Variants in HUWE1 observed in about 807,000 individuals in gnomAD.
The protein encoded by HUWE1 is HECT, UBA and WWE domain containing E3 ubiquitin protein ligase 1.
In HUWE1, 18 loss-of-function variants were observed where a neutral mutation model predicts 299.4. The ratio of observed to expected loss-of-function variants is 0.06; its 90% CI spans 0.04 to 0.09. The LOEUF (loss-of-function observed/expected upper bound fraction) is 0.09. HUWE1 is among the 10% of genes least tolerant of loss of function. The pLI, the probability that HUWE1 is intolerant of heterozygous loss-of-function variation, is 1.00. For missense variants in HUWE1, 1,832 were observed against 3,462.3 expected, an observed-to-expected ratio of 0.53 and a Z score of 11.82; for synonymous variants, 1,317 against 1,286.1, an observed-to-expected ratio of 1.02 and a Z score of -0.51.
intron 43 of HUWE1, among the ~76,000 whole-genome samples, chrX:53,579,195 G>A (rs2063460848): frequency 4.4e-4 from 1 of 2,272 alleles, no homozygotes; most frequent in Non-Finnish European, 8.1e-4. Context: ...CGGGAGGGAG[G>A]TGGGGGGGGT....
chrX:53,554,235 T>G (rs1390667948), intron 61 of HUWE1, among the ~76,000 whole-genome samples: 3 of 111,073 alleles, frequency 2.7e-5, no homozygotes, highest in Non-Finnish European at 5.7e-5. Context: ...GAGTTTTTTT[T>G]TCCCCCCAAT....
rs139160418 is a variant in HUWE1 at position 53,640,628 on chromosome X, C to T, written c.504+4683G>A. On this transcript the variant is annotated intron_variant, in intron 7 of 83. Transcript: ENST00000262854. Reference sequence around the variant, plus strand: ...CAAATTCTCCAGGACTAGAAATTAACCTCCAATCTACAATCTCTTTAGATC... The same window carrying T: ...CAAATTCTCCAGGACTAGAAATTAATCTCCAATCTACAATCTCTTTAGATC... 2.7e-5 allele frequency among the ~76,000 whole-genome samples: 3 copies of T among 111,582 alleles called. No homozygotes were observed. In the East Asian group the frequency reaches 8.4e-4, roughly 31 times the overall value.
At chrX:53,649,994 T>C (rs972662472) in intron 4 of HUWE1, among the ~76,000 whole-genome samples, 4 of 111,900 alleles carry the variant, frequency 3.6e-5, no homozygotes, top group Non-Finnish European at 5.6e-5. Context: ...TGTAATTCTA[T>C]TGGGGCTTGC....
At chrX:53,574,849 G>A (rs1459222884) in intron 46 of HUWE1, among the ~76,000 whole-genome samples, 2 of 111,804 alleles carry the variant, frequency 1.8e-5, no homozygotes, top group Admixed American at 1.9e-4. Context: ...AATATCACTG[G>A]CATAAAATCT....
rs781793452 is a variant in HUWE1 at position 53,643,020 on chromosome X, T to C, written c.504+2291A>G. On this transcript the variant is annotated intron_variant, in intron 7 of 83. Coordinates refer to ENST00000262854, the MANE Select transcript of HUWE1 (RefSeq NM_031407.7). Reference sequence around the variant, plus strand: ...ACAAAATGAGGTTGTACCAGAATGTTATTTAACTACATTGGTAACTATACT... The same window carrying C: ...ACAAAATGAGGTTGTACCAGAATGTCATTTAACTACATTGGTAACTATACT... Among the ~76,000 whole-genome samples the C allele has an allele frequency of 4.0e-4, 45 of 112,625 alleles. No homozygotes were observed. The South Asian group carries it at 5.5e-3, about 14-fold the overall frequency.
chrX:53,559,345 C>G lies in HUWE1; in HGVS notation c.7915+9G>C. The G allele has an allele frequency of 8.3e-7, 1 of 1,209,235 alleles. No homozygotes were observed. ...AAATTCTACCCTCCCTTTCACCACACAAACTTGCCTGCTTGGCTGGTAGCT... is the reference window on the plus strand; with the variant it reads ...AAATTCTACCCTCCCTTTCACCACAGAAACTTGCCTGCTTGGCTGGTAGCT... On this transcript the variant is annotated intron_variant, in intron 57 of 83. Coordinates refer to ENST00000262854, the MANE Select transcript of HUWE1 (RefSeq NM_031407.7).
intron 29 of HUWE1, among the ~76,000 whole-genome samples, chrX:53,595,670 T>C (rs781916240): frequency 1.8e-5 from 2 of 111,546 alleles, no homozygotes; most frequent in South Asian, 3.7e-4. Flanking sequence ...TAGAGGAACA[T>C]AAATTGAAAC....
chrX:53,612,591 C>T (rs1214700868), intron 23 of HUWE1, among the ~76,000 whole-genome samples: 28 of 111,556 alleles, frequency 2.5e-4, no homozygotes, highest in Admixed American at 1.9e-3. Context: ...ATGTCTTGCT[C>T]TTGAGGAGCT....
rs2066611268 is a variant in HUWE1, at chrX:53,627,686, G to A, written c.1383+53C>T. On this transcript the variant is annotated intron_variant, in intron 16 of 83. Transcript: ENST00000262854. ...TTTAGGGTTATCAGGACAATCCTTA[G>A]GTTCAGCTCTGAGTATTAAATTCTG... The A allele has an allele frequency of 1.2e-5, 13 of 1,098,277 alleles. No homozygotes were observed. In the South Asian group the frequency reaches 1.9e-4, roughly 16 times the overall value. 90.5% of individuals were successfully genotyped at this position (1,098,277 alleles called of 1,213,427 possible). A position where few individuals can be genotyped will look rare whatever the true frequency, so the allele number is the denominator to read the frequency against.
chrX:53,608,350 G>A (rs2065254439), intron 24 of HUWE1, among the ~76,000 whole-genome samples: 1 of 99,585 alleles, frequency 1.0e-5, no homozygotes. Context: ...AAAAAAGGGG[G>A]AAAATATATG....
chrX:53,603,762 T>C (rs180791347), intron 26 of HUWE1, among the ~76,000 whole-genome samples: 76 of 112,369 alleles, frequency 6.8e-4, no homozygotes, highest in Non-Finnish European at 1.2e-3. Flanking sequence ...AGGCTACTCT[T>C]TTTTTCTGAA....
At chrX:53,564,105 T>C (rs1374736958) in intron 51 of HUWE1, among the ~76,000 whole-genome samples, 1 of 112,080 alleles carries the variant, frequency 8.9e-6, no homozygotes, top group African/African-American at 3.3e-5. Flanking sequence ...GCCAGCAGCT[T>C]AGGACCACAG....
intron 70 of HUWE1, 43 bp from the exon 71 acceptor site, chrX:53,545,204 G>A (rs1556921771): frequency 8.4e-7 from 1 of 1,188,997 alleles, no homozygotes; most frequent in South Asian, 1.8e-5. Context: ...AGACTCCCCT[G>A]GTAAAGTGGC....
chrX:53,585,027 G>A lies in HUWE1; in HGVS notation c.4986C>T (p.Phe1662=). The A allele has an allele frequency of 1.7e-6, 2 of 1,211,826 alleles. No individual in the cohort carries two copies. The highest frequency in any genetic ancestry group is 2.2e-6 in the Non-Finnish European group (2 of 895,520). ...TAGRRRYTVQ[F]TTMVQVNEET... is the part of the protein sequence containing the mutation. ...GAGCATGTACCTGCACCATTGTAGT[G>A]AATTGGACCGTGTATCTTCTTCGGC... is the stretch of plus-strand genomic sequence containing the variant. Residue 1662 remains phenylalanine, a synonymous_variant, in exon 40 of 84, where the codon TTC becomes TTT. Coordinates refer to ENST00000262854, the MANE Select transcript of HUWE1 (RefSeq NM_031407.7).
intron 23 of HUWE1, among the ~76,000 whole-genome samples, chrX:53,611,867 A>AT (rs1303790567): frequency 3.6e-5 from 4 of 110,139 alleles, no homozygotes; most frequent in East Asian, 2.8e-4. Flanking sequence ...CAAAAAAAAA[A>AT]AAATAAATAA....
At chrX:53,624,130 T>C (rs1476138286) in intron 19 of HUWE1, among the ~76,000 whole-genome samples, 1 of 111,524 alleles carries the variant, frequency 9.0e-6, no homozygotes, top group Non-Finnish European at 1.9e-5. Context: ...CTTGCAGGAT[T>C]TTACTATTGA....
At position 53,592,436 on chromosome X, in the gene HUWE1, G is replaced by A. The variant is rs782759250; in HGVS notation, c.3934C>T (p.Arg1312Cys). The change falls in exon 33 of 84, where the codon CGC (arginine) becomes TGC (cysteine). Residue 1312 changes from arginine to cysteine, a missense_variant. Physicochemically the swap from Arg to Cys is radical, Grantham distance 180. Coordinates refer to ENST00000262854, the MANE Select transcript of HUWE1 (RefSeq NM_031407.7). ...EDTGQEEGGSRREPQVNQQQL... is the reference protein window; with the variant it reads ...EDTGQEEGGSCREPQVNQQQL... ...TGCTGGTTGACTTGAGGTTCCCGGCGGGAGCCACCTTCCTCTTGCCCTGTA... is the reference window on the plus strand; with the variant it reads ...TGCTGGTTGACTTGAGGTTCCCGGCAGGAGCCACCTTCCTCTTGCCCTGTA... 4.1e-6 allele frequency: 5 copies of A among 1,210,460 alleles called. No individual in the cohort carries two copies. Among genetic ancestry groups the A allele is most frequent in the South Asian group, 1.8e-5 (1 of 56,909 alleles).
At chrX:53,640,290 G>A (rs1463367890) in intron 7 of HUWE1, among the ~76,000 whole-genome samples, 1 of 111,915 alleles carries the variant, frequency 8.9e-6, no homozygotes, top group Admixed American at 9.5e-5. Context: ...AGCCTGGGAA[G>A]CGGAGGATGC....
chrX:53,561,477 CTCTT>C (rs1380220842), intron 55 of HUWE1, among the ~76,000 whole-genome samples: 1 of 112,465 alleles, frequency 8.9e-6, no homozygotes, highest in African/African-American at 3.2e-5. Flanking sequence ...CAGCCTTGGT[CTCTT>C]TCTTTTTTTT....
Sources: allele counts gnomAD v4.1 joint callset (sites outside exome capture counted in the v4.1 genomes callset), GRCh38; gene constraint gnomAD v4.1.1; transcripts MANE v1.5; gene names NCBI Gene and HGNC (gene_info 2026-07-23, HGNC 2026-07-21).